The following PITRM1 variants were observed in gnomAD, a reference collection of about 807,000 sequenced individuals.
PITRM1 encodes pitrilysin metallopeptidase 1, also known as presequence protease, mitochondrial.
In PITRM1, 100 loss-of-function variants were observed where a neutral mutation model predicts 129.9. The ratio of observed to expected loss-of-function variants is 0.77; its 90% CI spans 0.65 to 0.91. The LOEUF is 0.91. PITRM1 is among the 40% of genes least tolerant of loss of function. PITRM1 has a pLI of 0.00. For synonymous variants in PITRM1, 591 were observed against 508.8 expected (o/e 1.16, Z -2.17); for missense variants, 1,471 against 1,318.3 (o/e 1.12, Z -1.79).
At chr10:3,156,127 G>A (rs192487377) in intron 13 of PITRM1, among the ~76,000 whole-genome samples, 10 of 152,178 alleles carry the variant, frequency 6.6e-5, no homozygotes, top group Admixed American at 1.3e-4. Flanking sequence ...TTTGTCTAGC[G>A]TTCATTCTAC....
Position 3,148,080 on chromosome 10 carries a change from ACAG to A in PITRM1, c.1993-20_1993-18del. On this transcript the variant is annotated intron_variant, in intron 17 of 26. Transcript: ENST00000224949. ...AAGCACACCCTGAACCAAAGAAAACACAGAAGAAAGGAATTAGGGCCGAATCGA... is the reference window on the plus strand; with the variant it reads ...AAGCACACCCTGAACCAAAGAAAACAAAGAAAGGAATTAGGGCCGAATCGA... 6.2e-7 allele frequency: 1 copy of A among 1,613,834 alleles called. No homozygotes were observed. The highest frequency in any genetic ancestry group is 8.5e-7 in the Non-Finnish European group (1 of 1,179,722).
chr10:3,156,647 T>A (rs531284945), intron 13 of PITRM1, among the ~76,000 whole-genome samples: 2 of 152,228 alleles, frequency 1.3e-5, no homozygotes, highest in Non-Finnish European at 2.9e-5. Context: ...TTTTATATTC[T>A]TCTACTAATA....
chr10:3,159,143 G>A, intron 9 of PITRM1, 101 bp from the exon 10 acceptor site: 1 of 1,057,338 alleles, frequency 9.5e-7, no homozygotes, highest in Non-Finnish European at 1.3e-6. Flanking sequence ...CATCTTTCTA[G>A]AAATTCTTGC....
chr10:3,170,229 T>C (rs1208717563), intron 1 of PITRM1, 23 bp from the exon 2 acceptor site: 2 of 1,567,466 alleles, frequency 1.3e-6, no homozygotes, highest in East Asian at 2.2e-5. Flanking sequence ...TCATCTAAGT[T>C]AGATGAGTTG....
chr10:3,166,977 C>A lies in PITRM1; in HGVS notation c.225G>T (p.Arg75Ser). The A allele has an allele frequency of 2.5e-6, 4 of 1,611,558 alleles. No individual in the cohort carries two copies. The highest frequency in any genetic ancestry group is 3.4e-6 in the Non-Finnish European group (4 of 1,178,684). The change falls in exon 3 of 27, where the codon AGG (arginine) becomes AGT (serine). Residue 75 changes from arginine (R) to serine (S), a missense_variant. Physicochemically the swap from Arg to Ser is moderately radical, Grantham distance 110. Transcript: ENST00000224949. ...TGTCTTCTCTGGCCAGGTGTAAATA[C>A]CTGGCTCCTGTGTCATCATGGGTGA... ...VKLTHDDTGA[R>S]YLHLAREDTN...
intron 14 of PITRM1, among the ~76,000 whole-genome samples, chr10:3,153,102 TACTG>T (rs1050025781): frequency 2.0e-5 from 3 of 152,238 alleles, no homozygotes; most frequent in Non-Finnish European, 4.4e-5. Flanking sequence ...CTTGAAGACT[TACTG>T]ACCTGAAATA....
chr10:3,157,936 T>C (rs1842110039), intron 11 of PITRM1, 104 bp downstream of exon 11: 5 of 741,900 alleles, frequency 6.7e-6, no homozygotes, highest in African/African-American at 1.7e-5. Context: ...GCATGTTATA[T>C]GACAGAGAAG....
chr10:3,158,798 A>C, intron 10 of PITRM1, 116 bp downstream of exon 10: 1 of 1,016,830 alleles, frequency 9.8e-7, no homozygotes, highest in South Asian at 1.6e-5. Flanking sequence ...GCAATCAAAA[A>C]TCCAAAAATG....
intron 3 of PITRM1, among the ~76,000 whole-genome samples, chr10:3,166,638 A>G (rs921500409): frequency 2.0e-5 from 3 of 152,242 alleles, no homozygotes; most frequent in African/African-American, 7.2e-5. Context: ...ATGATATTTT[A>G]AACCACGTAA....
intron 1 of PITRM1, chr10:3,172,346 C>G: frequency 2.1e-6 from 1 of 482,936 alleles, no homozygotes; most frequent in South Asian, 1.7e-5. Flanking sequence ...CGCCTCGGGT[C>G]TCTTAAGGAC....
Position 3,166,389 on chromosome 10 carries a change from G to GATA in PITRM1, c.267-10_267-9insTAT. 1 of 1,375,462 alleles carries GATA rather than the reference G, an allele frequency of 7.3e-7. No homozygotes were observed. The allele number at this position is 1,375,462 out of a possible 1,614,324, so 85.2% of individuals were successfully genotyped here. A position where few individuals can be genotyped will look rare whatever the true frequency, so the allele number is the denominator to read the frequency against. On this transcript the variant is annotated splice_polypyrimidine_tract_variant and intron_variant, in intron 3 of 26. Transcript: ENST00000224949. ...TAGTACGGAACTGCACGCTAGGGAA[G>GATA]GAGAATGACCAGAACGCAAAAGGTT...
chr10:3,157,421 GA>G lies in PITRM1; in HGVS notation c.1347+13del. 6.6e-7 allele frequency: 1 copy of G among 1,516,532 alleles called. No individual in the cohort carries two copies. The highest frequency in any genetic ancestry group is 9.0e-7 in the Non-Finnish European group (1 of 1,109,530). The allele number at this position is 1,516,532 out of a possible 1,614,324, so 93.9% of individuals were successfully genotyped here. ...ATTATAAAACAAAAACAAAATTGTT[GA>G]GAGATCACTTACTGATGTCAGCATC... On this transcript the variant is annotated intron_variant, in intron 12 of 26. Transcript: ENST00000224949.
intron 22 of PITRM1, 190 bp downstream of exon 22, chr10:3,144,102 T>C: frequency 1.7e-6 from 1 of 597,446 alleles, no homozygotes; most frequent in South Asian, 2.1e-5. Flanking sequence ...CACCAGGGCC[T>C]TCACTCAGTA....
At chr10:3,160,030 C>T in intron 8 of PITRM1, 94 bp from the exon 9 acceptor site, 1 of 1,238,004 alleles carries the variant, frequency 8.1e-7, no homozygotes, top group Non-Finnish European at 1.2e-6. Context: ...GCGAAACAGG[C>T]TTTCCACTAA....
In PITRM1 at chr10:3,165,412, C is replaced by A. The variant is rs760360430; in HGVS notation, c.533+1G>T. 2.2e-5 allele frequency: 36 copies of A among 1,610,570 alleles called. No homozygotes were observed. The highest frequency in any genetic ancestry group is 2.7e-5 in the Non-Finnish European group (32 of 1,177,958). ...CAACTAGTTAATCATTCATGACATA[C>A]CAGAAATCCAGCTCGCGTAAACATG... On this transcript the variant is annotated splice_donor_variant, in intron 5 of 26. Transcript: ENST00000224949. LOFTEE classifies it high-confidence loss of function.
At chr10:3,156,555 T>C (rs116101836) in intron 13 of PITRM1, among the ~76,000 whole-genome samples, 1 of 152,170 alleles carries the variant, frequency 6.6e-6, no homozygotes, top group African/African-American at 2.4e-5. Flanking sequence ...CCTAAAAATC[T>C]GAGAAAACAA....
intron 14 of PITRM1, among the ~76,000 whole-genome samples, chr10:3,151,766 G>C (rs562119628): frequency 1.3e-5 from 2 of 152,114 alleles, no homozygotes; most frequent in Non-Finnish European, 2.9e-5. Context: ...GACAGGGTCT[G>C]GCTCTGTCAC....
At chr10:3,157,962 G>A in intron 11 of PITRM1, 78 bp downstream of exon 11, 1 of 855,682 alleles carries the variant, frequency 1.2e-6, no homozygotes, top group Non-Finnish European at 2.0e-6. Context: ...CCGAAACAAT[G>A]GATCAGGCTC....
intron 9 of PITRM1, 32 bp downstream of exon 9, chr10:3,159,816 G>A: frequency 7.7e-7 from 1 of 1,301,144 alleles, no homozygotes; most frequent in Non-Finnish European, 1.1e-6. Context: ...TCATGTTTTT[G>A]TCTTGTATGA....
Sources: allele counts gnomAD v4.1 joint callset (sites outside exome capture counted in the v4.1 genomes callset), GRCh38; gene constraint gnomAD v4.1.1; transcripts MANE v1.5; gene names NCBI Gene and HGNC (gene_info 2026-07-23, HGNC 2026-07-21).